SORL1: variants seen among roughly 807,000 people sequenced by gnomAD.
SORL1 encodes sortilin related receptor 1, also known as sortilin-related receptor.
A neutral mutation model predicts 273.7 loss-of-function variants in SORL1; 127 were observed. The ratio of observed to expected loss-of-function variants is 0.46; its 90% CI spans 0.40 to 0.54. The LOEUF (loss-of-function observed/expected upper bound fraction) is 0.54, where lower values mean the gene tolerates loss of function less well. Ranked by LOEUF, SORL1 falls within the 20% of genes least tolerant of loss-of-function variation. The pLI is 0.00. For synonymous variants in SORL1, 1,031 were observed against 1,067.4 expected, an observed-to-expected ratio of 0.97 and a Z score of 0.66; for missense variants, 2,494 against 2,846.1, an observed-to-expected ratio of 0.88 and a Z score of 2.81.
At chr11:121,487,864 A>G (rs574174575) in intron 3 of SORL1, among the ~76,000 whole-genome samples, 168 bp from the exon 4 acceptor site, 41 of 152,242 alleles carry the variant, frequency 2.7e-4, no homozygotes, top group African/African-American at 9.6e-4. Context: ...TTTATTGCCA[A>G]GAGATGGGGA....
At chr11:121,514,753 T>A (rs1258206966) in intron 8 of SORL1, among the ~76,000 whole-genome samples, 1 of 152,166 alleles carries the variant, frequency 6.6e-6, no homozygotes, top group Non-Finnish European at 1.5e-5. Context: ...TAAGAGATAA[T>A]CGGACGGTGT....
Position 121,465,163 on chromosome 11 carries a change from C to T in SORL1, c.286-4844C>T, listed in dbSNP as rs901029646. ...CCCCTTACCCATTAAGCAGTGATTCCCTCCTCTCCAATCTCCCAGCCCCTC... is the reference window on the plus strand; with the variant it reads ...CCCCTTACCCATTAAGCAGTGATTCTCTCCTCTCCAATCTCCCAGCCCCTC... On this transcript the variant is annotated intron_variant, in intron 1 of 47. Transcript: ENST00000260197. 3.3e-5 allele frequency among the ~76,000 whole-genome samples: 5 copies of T among 152,118 alleles called. 1 individual carries two copies. Among genetic ancestry groups the T allele is most frequent in the Middle Eastern group, 6.3e-3 (2 of 316 alleles).
Position 121,622,220 on chromosome 11 carries a change from GT to G in SORL1, c.6127del (p.Trp2043GlyfsTer6). 6.2e-7 allele frequency: 1 copy of G among 1,612,942 alleles called. No homozygotes were observed. The highest frequency in any genetic ancestry group is 8.5e-7 in the Non-Finnish European group (1 of 1,179,430). On this transcript the variant is annotated frameshift_variant, in exon 45 of 48. Coordinates refer to ENST00000260197, the MANE Select transcript of SORL1 (RefSeq NM_003105.6). LOFTEE classifies it high-confidence loss of function. ...IITENDHVLLFWKSLALKEKH... is the reference protein window; with the variant it reads ...IITENDHVLLXWKSLALKEKH... ...TAACAGAAAATGATCATGTTCTTCT[GT>G]TTTGGAAAAGCCTGGCTTTAAAGGA...
chr11:121,483,003 C>T (rs1212520099), intron 3 of SORL1, among the ~76,000 whole-genome samples: 1 of 152,258 alleles, frequency 6.6e-6, no homozygotes, highest in African/African-American at 2.4e-5. Context: ...TTGTGCAGTG[C>T]TGGCCACATG....
chr11:121,591,395 C>T (rs1160678547), intron 31 of SORL1, among the ~76,000 whole-genome samples: 1 of 152,206 alleles, frequency 6.6e-6, no homozygotes, highest in South Asian at 2.1e-4. Flanking sequence ...CTATAACTGG[C>T]CTCTGACCTT....
intron 6 of SORL1, among the ~76,000 whole-genome samples, chr11:121,506,970 A>C (rs995636836): frequency 6.6e-6 from 1 of 152,070 alleles, no homozygotes; most frequent in African/African-American, 2.4e-5. Flanking sequence ...AATTTTTCCC[A>C]GGTGTTTTCT....
Position 121,522,687 on chromosome 11 carries a change from C to T in SORL1, c.1506C>T (p.Gly502=), listed in dbSNP as rs1231735859. 1 of 1,613,230 alleles carries T rather than the reference C, an allele frequency of 6.2e-7. No homozygotes were observed. Among genetic ancestry groups the T allele is most frequent in the East Asian group, 2.2e-5 (1 of 44,874 alleles). The change falls in exon 10 of 48, where the codon GGC becomes GGT. Residue 502 remains glycine (G), a synonymous_variant. Transcript: ENST00000260197. ...MPILSKESAP[G]LIIATGSVGK... Reference sequence around the variant, plus strand: ...TCCTGTCCAAGGAGTCGGCTCCAGGCCTCATCATCGCCACTGGTAAGTGTG... The same window carrying T: ...TCCTGTCCAAGGAGTCGGCTCCAGGTCTCATCATCGCCACTGGTAAGTGTG...
At chr11:121,586,113 A>T in intron 26 of SORL1, 109 bp from the exon 27 acceptor site, 2 of 811,274 alleles carry the variant, frequency 2.5e-6, no homozygotes, top group South Asian at 2.8e-5. Flanking sequence ...GTTACAGCCA[A>T]ATTGCCCTCC....
At chr11:121,593,619 C>T (rs1487830109) in intron 31 of SORL1, among the ~76,000 whole-genome samples, 10 of 151,910 alleles carry the variant, frequency 6.6e-5, no homozygotes, top group Non-Finnish European at 1.5e-4. Context: ...TCTTGGTTTA[C>T]TCCCTTGTTT....
chr11:121,607,095 A>G, intron 36 of SORL1, 91 bp from the exon 37 acceptor site: 2 of 1,035,540 alleles, frequency 1.9e-6, no homozygotes, highest in Non-Finnish European at 3.0e-6. Flanking sequence ...GCTCCTCACC[A>G]TCTTTTCTCT....
intron 1 of SORL1, among the ~76,000 whole-genome samples, chr11:121,462,942 C>T (rs1223416324): frequency 2.6e-5 from 4 of 152,138 alleles, no homozygotes; most frequent in South Asian, 2.1e-4. Flanking sequence ...ATTGACTGAA[C>T]GCGGTGAGGG....
At chr11:121,485,364 G>A (rs1023137914) in intron 3 of SORL1, among the ~76,000 whole-genome samples, 6 of 152,296 alleles carry the variant, frequency 3.9e-5, no homozygotes, top group Admixed American at 3.3e-4. Context: ...GTGAACATGT[G>A]AACCAGTCAG....
At chr11:121,519,412 C>T (rs554610861) in intron 8 of SORL1, among the ~76,000 whole-genome samples, 5 of 142,230 alleles carry the variant, frequency 3.5e-5, no homozygotes, top group African/African-American at 1.3e-4. Context: ...TTCTCTCTCT[C>T]TTTTTTTTTT....
rs746628550 is a variant in SORL1 at position 121,490,120 on chromosome 11, G to A, written c.758+10G>A. On this transcript the variant is annotated intron_variant, in intron 5 of 47. Coordinates refer to ENST00000260197, the MANE Select transcript of SORL1 (RefSeq NM_003105.6). Reference sequence around the variant, plus strand: ...TCAAGTCCTTTTCTTGGTAAGTTGTGTCATCTAAGAAATCTTGATATATGT... The same window carrying A: ...TCAAGTCCTTTTCTTGGTAAGTTGTATCATCTAAGAAATCTTGATATATGT... 12 of 1,606,166 alleles carry A rather than the reference G, an allele frequency of 7.5e-6. No homozygotes were observed. The highest frequency in any genetic ancestry group is 5.4e-5 in the African/African-American group (4 of 74,750).
chr11:121,469,619 A>T (rs1230479277), intron 1 of SORL1, among the ~76,000 whole-genome samples: 2 of 152,066 alleles, frequency 1.3e-5, no homozygotes, highest in Non-Finnish European at 2.9e-5. Flanking sequence ...TGGCCTATGA[A>T]TTTTTTTTGA....
chr11:121,541,384 T>A (rs1862347554), intron 12 of SORL1, among the ~76,000 whole-genome samples: 1 of 152,032 alleles, frequency 6.6e-6, no homozygotes, highest in Non-Finnish European at 1.5e-5. Flanking sequence ...TTTAAAAAAA[T>A]TTTCTGTAGA....
intron 38 of SORL1, chr11:121,608,698 A>G (rs1863515378): frequency 6.5e-6 from 1 of 153,610 alleles, no homozygotes; most frequent in Non-Finnish European, 1.4e-5. Flanking sequence ...ACATCAGCTC[A>G]TCTAATTGAA....
intron 25 of SORL1, among the ~76,000 whole-genome samples, chr11:121,577,772 C>T (rs1862957570): frequency 6.6e-6 from 1 of 152,104 alleles, no homozygotes; most frequent in Non-Finnish European, 1.5e-5. Flanking sequence ...CAGGGGGTTC[C>T]CCAGACAAGG....
At chr11:121,457,546 T>C (rs1298697784) in intron 1 of SORL1, among the ~76,000 whole-genome samples, 2 of 152,252 alleles carry the variant, frequency 1.3e-5, no homozygotes, top group Non-Finnish European at 2.9e-5. Context: ...ACTTTAGCTC[T>C]AAATTATATT....
Sources: allele counts gnomAD v4.1 joint callset (sites outside exome capture counted in the v4.1 genomes callset), GRCh38; gene constraint gnomAD v4.1.1; transcripts MANE v1.5; gene names NCBI Gene and HGNC (gene_info 2026-07-23, HGNC 2026-07-21).